Variants in VBP1 observed in about 807,000 individuals in gnomAD.
VBP1 encodes VHL binding protein 1.
Under a neutral mutation model 15.5 loss-of-function variants are expected in VBP1, and 4 were observed. That is an observed-to-expected ratio of 0.26 (90% CI 0.13 to 0.59). The LOEUF (loss-of-function observed/expected upper bound fraction) is 0.59. Among genes scored for constraint, VBP1 ranks in the 20% least tolerant of loss-of-function variants. The probability of loss-of-function intolerance (pLI) is 0.90; values close to 1 mark genes in which losing one functional copy is unlikely to be tolerated. For missense variants in VBP1, 108 were observed against 139.6 expected, an observed-to-expected ratio of 0.77 and a Z score of 1.14; for synonymous variants, 61 against 52.1, an observed-to-expected ratio of 1.17 and a Z score of -0.74.
chrX:155,227,181 CTGT>C (rs2074723450), intron 2 of VBP1, 51 bp from the exon 3 acceptor site: 2 of 1,061,308 alleles, frequency 1.9e-6, no homozygotes, highest in East Asian at 6.4e-5. Flanking sequence ...AGACCGTGTC[CTGT>C]TGTTTATTTT....
intron 1 of VBP1, among the ~76,000 whole-genome samples, chrX:155,198,272 C>T (rs61595975): frequency 0.012 from 1,377 of 112,245 alleles, 18 homozygotes; most frequent in African/African-American, 0.041. Context: ...TCTCCCAGCA[C>T]GCAACTGGAG....
intron 2 of VBP1, among the ~76,000 whole-genome samples, chrX:155,222,496 A>C (rs1392998463): frequency 4.5e-5 from 5 of 111,614 alleles, no homozygotes; most frequent in African/African-American, 6.5e-5. Flanking sequence ...AAAAAAGGAA[A>C]AGAAAATGGG....
intron 4 of VBP1, among the ~76,000 whole-genome samples, chrX:155,230,712 C>G (rs1210583725): frequency 9.2e-6 from 1 of 108,585 alleles, no homozygotes; most frequent in Non-Finnish European, 1.9e-5. Context: ...GAGACAGAGT[C>G]TCACTCTGTT....
At chrX:155,214,949 T>A (rs1269189858), upstream of VBP1, among the ~76,000 whole-genome samples, 1 of 110,496 alleles carries the variant, frequency 9.1e-6, no homozygotes, top group South Asian at 3.8e-4. Flanking sequence ...CTTCTGTTTG[T>A]ACCTGTAAGG....
chrX:155,226,717 T>C (rs1557310293), intron 2 of VBP1, among the ~76,000 whole-genome samples: 1 of 112,263 alleles, frequency 8.9e-6, no homozygotes, highest in Non-Finnish European at 1.9e-5. Context: ...GGAGTAGCTA[T>C]GTGCATCACT....
chrX:155,197,749 C>G (rs781885160), intron 1 of VBP1, among the ~76,000 whole-genome samples: 27 of 112,111 alleles, frequency 2.4e-4, no homozygotes, highest in African/African-American at 8.1e-4. Flanking sequence ...GAGTGCCAGA[C>G]AGTGGGCACA....
At chrX:155,221,965 A>G (rs1240887200) in intron 2 of VBP1, among the ~76,000 whole-genome samples, 1 of 112,517 alleles carries the variant, frequency 8.9e-6, no homozygotes, top group Non-Finnish European at 1.9e-5. Context: ...AAAAAAATGT[A>G]TGTATGCACA....
chrX:155,237,514 A>C (rs949374652), intron 5 of VBP1, among the ~76,000 whole-genome samples: 6 of 111,513 alleles, frequency 5.4e-5, no homozygotes, highest in African/African-American at 2.0e-4. Context: ...CAAGATATAC[A>C]TATAGGCACT....
At chrX:155,236,590 T>A (rs1249021768) in intron 5 of VBP1, among the ~76,000 whole-genome samples, 1 of 111,554 alleles carries the variant, frequency 9.0e-6, no homozygotes, top group African/African-American at 3.3e-5. Flanking sequence ...TAAAAAAAAA[T>A]TAGAATACAA....
At chrX:155,228,646 C>T (rs2074731230) in intron 4 of VBP1, among the ~76,000 whole-genome samples, 164 bp downstream of exon 4, 1 of 111,727 alleles carries the variant, frequency 9.0e-6, no homozygotes, top group Non-Finnish European at 1.9e-5. Flanking sequence ...GGGACAGAGT[C>T]CAAGTGGTTC....
chrX:155,197,918 T>C (rs1459136631), intron 1 of VBP1, among the ~76,000 whole-genome samples: 7 of 112,265 alleles, frequency 6.2e-5, no homozygotes, highest in African/African-American at 2.3e-4. Context: ...ATACTGTGCT[T>C]TTCCGATGGG....
intron 1 of VBP1, among the ~76,000 whole-genome samples, chrX:155,208,613 C>A (rs1459901710): frequency 6.3e-5 from 7 of 111,820 alleles, no homozygotes; most frequent in African/African-American, 2.3e-4. Context: ...GTGGCTAATT[C>A]ATCCCTGCTT....
intron 5 of VBP1, 90 bp from the exon 6 acceptor site, chrX:155,238,682 T>C (rs2074785342): frequency 1.5e-6 from 1 of 677,149 alleles, no homozygotes; most frequent in Non-Finnish European, 2.2e-6. Flanking sequence ...TTCTGTGTCT[T>C]TGATTCATTG....
In VBP1 at chrX:155,228,395, C is replaced by A. The variant is rs781880508; in HGVS notation, c.297C>A (p.Asn99Lys). ...TTTTTGTTTTGAAGGAGTCCACCAA[C>A]TCAATGGAGACCAGATTCTTGCTGG... ...KYMQKKKEST[N>K]SMETRFLLAD... Residue 99 changes from asparagine to lysine, a missense_variant, in exon 4 of 6, where the codon AAC becomes AAA. Coordinates refer to ENST00000286428, the MANE Select transcript of VBP1 (RefSeq NM_003372.7). 1.7e-6 allele frequency: 2 copies of A among 1,202,261 alleles called. No homozygotes were observed. The highest frequency in any genetic ancestry group is 3.6e-5 in the South Asian group (2 of 56,105).
At chrX:155,224,566 C>T (rs1019216182) in intron 2 of VBP1, among the ~76,000 whole-genome samples, 6 of 112,026 alleles carry the variant, frequency 5.4e-5, no homozygotes, top group Admixed American at 3.7e-4. Flanking sequence ...AGTCCAGCCT[C>T]GGCTCGGCAT....
chrX:155,222,036 G>T (rs1375350437), intron 2 of VBP1, among the ~76,000 whole-genome samples: 1 of 112,772 alleles, frequency 8.9e-6, no homozygotes, highest in Non-Finnish European at 1.9e-5. Context: ...TGGGTAGTTA[G>T]AATATGGCAT....
upstream of VBP1, chrX:155,213,138 C>T (rs1236367417): frequency 8.9e-6 from 1 of 111,736 alleles, no homozygotes; most frequent in East Asian, 2.8e-4. Flanking sequence ...GAGTGCCCTC[C>T]AGGGGAGTTC....
At chrX:155,207,644 T>A (rs1557308168) in intron 1 of VBP1, among the ~76,000 whole-genome samples, 1 of 111,754 alleles carries the variant, frequency 8.9e-6, no homozygotes, top group African/African-American at 3.3e-5. Context: ...AAAACTTAAA[T>A]GTTACTATCA....
intron 2 of VBP1, among the ~76,000 whole-genome samples, chrX:155,225,806 A>G (rs35296872): frequency 0.34 from 37,753 of 110,792 alleles, 5,543 homozygotes; most frequent in African/African-American, 0.56. Flanking sequence ...AAACTTGAGC[A>G]ATCTATGGCA....
Sources: allele counts gnomAD v4.1 joint callset (sites outside exome capture counted in the v4.1 genomes callset), GRCh38; gene constraint gnomAD v4.1.1; transcripts MANE v1.5; gene names NCBI Gene and HGNC (gene_info 2026-07-23, HGNC 2026-07-21).